The following DLG2 variants were observed in gnomAD, a reference collection of about 807,000 sequenced individuals.
DLG2 encodes the protein disks large homolog 2.
A neutral mutation model predicts 132.5 loss-of-function variants in DLG2; 45 were observed. The observed-to-expected ratio is 0.34, with a 90% CI of 0.27 to 0.44. The LOEUF is 0.44. Among genes scored for constraint, DLG2 ranks in the 20% least tolerant of loss-of-function variants. DLG2 has a pLI of 1.00. For missense variants in DLG2, 1,045 were observed against 1,196.9 expected (o/e 0.87, Z 1.87); for synonymous variants, 424 against 419.6 (o/e 1.01, Z -0.13).
At chr11:85,470,949 T>A (rs2092966732) in intron 3 of DLG2, among the ~76,000 whole-genome samples, 1 of 152,218 alleles carries the variant, frequency 6.6e-6, no homozygotes, top group African/African-American at 2.4e-5. Flanking sequence ...GCAACTGTCT[T>A]ATCTTCTGCC....
chr11:84,038,423 A>C (rs1437724929), intron 11 of DLG2, among the ~76,000 whole-genome samples: 1 of 152,160 alleles, frequency 6.6e-6, no homozygotes, highest in Non-Finnish European at 1.5e-5. Flanking sequence ...CATTAGAGAA[A>C]TGTAAATCAA....
chr11:85,332,037 C>G (rs879401542), intron 3 of DLG2, among the ~76,000 whole-genome samples: 2 of 152,150 alleles, frequency 1.3e-5, no homozygotes, highest in Non-Finnish European at 1.5e-5. Context: ...TGAGAAATCT[C>G]CAAACAGCTT....
At chr11:84,961,744 C>A (rs1181650820) in intron 6 of DLG2, among the ~76,000 whole-genome samples, 1 of 152,144 alleles carries the variant, frequency 6.6e-6, no homozygotes, top group Non-Finnish European at 1.5e-5. Context: ...TCCACCCAAG[C>A]AACTTTCACT....
chr11:84,422,394 AT>A (rs1462168495), intron 7 of DLG2, among the ~76,000 whole-genome samples: 2 of 152,308 alleles, frequency 1.3e-5, no homozygotes, highest in East Asian at 3.9e-4. Flanking sequence ...GCTCTTTAAA[AT>A]TTATTTGATT....
At chr11:84,238,204 G>T (rs1393598313) in intron 8 of DLG2, among the ~76,000 whole-genome samples, 1 of 151,946 alleles carries the variant, frequency 6.6e-6, no homozygotes. Flanking sequence ...AAATATCAGT[G>T]TCAAAAAGTC....
intron 4 of DLG2, among the ~76,000 whole-genome samples, chr11:85,228,617 G>A (rs1439269051): frequency 6.6e-6 from 1 of 151,908 alleles, no homozygotes; most frequent in Non-Finnish European, 1.5e-5. Flanking sequence ...AGCCTACTGT[G>A]TTTGATATTA....
rs533690169 is a variant in DLG2 at position 83,943,433 on chromosome 11, G to T, written c.1341-12950C>A. ...ATTAGTACTGTTTCCTTATTAATGAGCAACTTTTATTTCTATGTAGTGCCT... is the reference window on the plus strand; with the variant it reads ...ATTAGTACTGTTTCCTTATTAATGATCAACTTTTATTTCTATGTAGTGCCT... On this transcript the variant is annotated intron_variant, in intron 14 of 27. Transcript: ENST00000376104. Among the ~76,000 whole-genome samples the T allele has an allele frequency of 2.0e-5, 3 of 152,198 alleles. No homozygotes were observed. In the East Asian group the frequency reaches 5.8e-4, roughly 29 times the overall value.
At chr11:85,421,528 C>A (rs1013048457) in intron 3 of DLG2, among the ~76,000 whole-genome samples, 2 of 151,330 alleles carry the variant, frequency 1.3e-5, no homozygotes, top group Admixed American at 6.6e-5. Flanking sequence ...TTTTTTCACC[C>A]GTTTACCTTA....
chr11:85,187,759 G>A (rs376424877), intron 4 of DLG2, among the ~76,000 whole-genome samples: 2 of 152,074 alleles, frequency 1.3e-5, no homozygotes, highest in African/African-American at 2.4e-5. Flanking sequence ...AAGGGAACTC[G>A]CTTGATTTGG....
intron 3 of DLG2, among the ~76,000 whole-genome samples, chr11:85,432,520 C>T (rs951005031): frequency 3.3e-5 from 5 of 151,742 alleles, no homozygotes; most frequent in African/African-American, 9.7e-5. Flanking sequence ...AAACACAGAA[C>T]AAGAACTTCA....
intron 6 of DLG2, among the ~76,000 whole-genome samples, chr11:85,063,565 T>C (rs1433790924): frequency 6.6e-6 from 1 of 151,886 alleles, no homozygotes; most frequent in East Asian, 1.9e-4. Flanking sequence ...TAAAGACTTA[T>C]ATGGTTATTG....
At chr11:85,146,260 C>G (rs1344339038) in intron 5 of DLG2, among the ~76,000 whole-genome samples, 2 of 150,892 alleles carry the variant, frequency 1.3e-5, no homozygotes, top group Non-Finnish European at 3.0e-5. Flanking sequence ...CTCTCTCTCT[C>G]TCTCCTGAGC....
chr11:84,299,163 TAGACC>T (rs1183637183), intron 7 of DLG2, among the ~76,000 whole-genome samples: 1 of 152,140 alleles, frequency 6.6e-6, no homozygotes, highest in Admixed American at 6.5e-5. Flanking sequence ...TAATCCAACA[TAGACC>T]ACTCATTAAC....
chr11:85,617,563 C>A (rs1486917193), intron 2 of DLG2, among the ~76,000 whole-genome samples: 1 of 152,170 alleles, frequency 6.6e-6, no homozygotes, highest in Non-Finnish European at 1.5e-5. Context: ...CTATGCCTGG[C>A]ACATAGCAGG....
At chr11:85,377,376 C>T (rs1305282563) in intron 3 of DLG2, among the ~76,000 whole-genome samples, 1 of 152,038 alleles carries the variant, frequency 6.6e-6, no homozygotes, top group Non-Finnish European at 1.5e-5. Flanking sequence ...CTTGAGTTTC[C>T]TCCTTTCGAA....
chr11:84,540,923 G>C (rs1459888114), intron 6 of DLG2, among the ~76,000 whole-genome samples: 10 of 151,962 alleles, frequency 6.6e-5, no homozygotes, highest in East Asian at 1.9e-4. Context: ...CCATCATTCT[G>C]AGCAAACTAT....
chr11:84,928,820 T>C (rs1020769688), intron 6 of DLG2, among the ~76,000 whole-genome samples: 2 of 151,206 alleles, frequency 1.3e-5, no homozygotes, highest in African/African-American at 4.9e-5. Flanking sequence ...CCTAAAGTCA[T>C]AAGATAATGC....
chr11:83,465,971 C>G (rs759752135), intron 26 of DLG2, among the ~76,000 whole-genome samples: 1 of 152,138 alleles, frequency 6.6e-6, no homozygotes, highest in African/African-American at 2.4e-5. Context: ...ACTGACTTTA[C>G]AGTCAGATCG....
chr11:84,534,494 C>T, intron 7 of DLG2, 76 bp downstream of exon 7: 1 of 1,454,166 alleles, frequency 6.9e-7, no homozygotes. Context: ...TTTAATCGGG[C>T]CAGCAAACAT....
Sources: allele counts gnomAD v4.1 joint callset (sites outside exome capture counted in the v4.1 genomes callset), GRCh38; gene constraint gnomAD v4.1.1; transcripts MANE v1.5; gene names NCBI Gene and HGNC (gene_info 2026-07-23, HGNC 2026-07-21).